PCDHGA5: variants seen among roughly 807,000 people sequenced by gnomAD.
PCDHGA5 encodes protocadherin gamma subfamily A, 5, also known as protocadherin gamma-A5.
A neutral mutation model predicts 56.7 loss-of-function variants in PCDHGA5; 36 were observed. The observed-to-expected ratio is 0.64, with a 90% CI of 0.49 to 0.84. The LOEUF (loss-of-function observed/expected upper bound fraction) is 0.84, where lower values mean the gene tolerates loss of function less well. PCDHGA5 is among the 40% of genes least tolerant of loss of function. The pLI is 0.00. For missense variants in PCDHGA5, 1,305 were observed against 1,201.5 expected, an observed-to-expected ratio of 1.09 and a Z score of -1.27; for synonymous variants, 563 against 520.2, an observed-to-expected ratio of 1.08 and a Z score of -1.12.
rs776773140 is a variant in PCDHGA5, at chr5:141,476,589, G to A, written c.2422-18218G>A. 5 of 1,614,246 alleles carry A rather than the reference G, an allele frequency of 3.1e-6. No individual in the cohort carries two copies. Among genetic ancestry groups the A allele is most frequent in the Non-Finnish European group, 4.2e-6 (5 of 1,180,046 alleles). On this transcript the variant is annotated intron_variant, in intron 1 of 3. Coordinates refer to ENST00000518069, the MANE Select transcript of PCDHGA5 (RefSeq NM_018918.3). This position sits in a 1 kb window ranked among gnomAD's most constrained non-coding sequence, Gnocchi z 7.6. ...CCGGGGACGCGCTTTCCGCTCGAGA[G>A]CGCGCACGATCCCGATGTGGGAAGC...
intron 1 of PCDHGA5, chr5:141,492,003 T>G: frequency 1.6e-6 from 1 of 626,972 alleles, no homozygotes; most frequent in Non-Finnish European, 2.6e-6. Context: ...TCGGGCGATT[T>G]CCGCGGGTGT....
Position 141,490,683 on chromosome 5 carries a change from A to C in PCDHGA5, c.2422-4124A>C, listed in dbSNP as rs766019662. 6 of 1,614,088 alleles carry C rather than the reference A, an allele frequency of 3.7e-6. No homozygotes were observed. The highest frequency in any genetic ancestry group is 5.1e-6 in the Non-Finnish European group (6 of 1,180,034). On this transcript the variant is annotated intron_variant, in intron 1 of 3. Transcript: ENST00000518069. The surrounding 1 kb of genome is among the most constrained non-coding windows in gnomAD (Gnocchi z 5.4). ...TTTGCACTGTGGCTGCCTCAGATCCAGACACTGGGGATAATGCCCGCCTCA... is the reference window on the plus strand; with the variant it reads ...TTTGCACTGTGGCTGCCTCAGATCCCGACACTGGGGATAATGCCCGCCTCA...
At chr5:141,478,159 T>C (rs1456465606) in intron 1 of PCDHGA5, 2 of 1,614,064 alleles carry the variant, frequency 1.2e-6, no homozygotes, top group Admixed American at 1.7e-5. Flanking sequence ...CCTCTGGCTC[T>C]GCCCCCCGGG....
chr5:141,419,414 GCCTTCGACCACGAGCAGCTGCGCA>G, intron 1 of PCDHGA5: 1 of 1,613,428 alleles, frequency 6.2e-7, no homozygotes, highest in South Asian at 1.1e-5. Context: ...CGCGCAGCGC[GCCTTCGACCACGAGCAGCTGCGCA>G]CCTTCGAGCT....
intron 3 of PCDHGA5, among the ~76,000 whole-genome samples, chr5:141,510,440 C>T (rs1251795430): frequency 6.6e-6 from 1 of 152,066 alleles, no homozygotes; most frequent in Non-Finnish European, 1.5e-5. Context: ...TGCTGCCCTC[C>T]AGGAGCCCAT....
chr5:141,374,406 T>A (rs748431130), intron 1 of PCDHGA5: 2 of 1,614,018 alleles, frequency 1.2e-6, no homozygotes, highest in East Asian at 2.2e-5. Context: ...AGTTTTAACA[T>A]CCTTGTCGAG....
chr5:141,509,663 G>A (rs933532930), intron 3 of PCDHGA5, among the ~76,000 whole-genome samples: 1 of 152,140 alleles, frequency 6.6e-6, no homozygotes, highest in Non-Finnish European at 1.5e-5. Context: ...ACTTCTCTGG[G>A]CCCCAGTTTC....
Position 141,511,995 on chromosome 5 carries a change from A to G in PCDHGA5, c.*822A>G, listed in dbSNP as rs1049905198. The G allele has an allele frequency of 1.3e-5, 2 of 153,074 alleles. No homozygotes were observed. The highest frequency in any genetic ancestry group is 4.8e-5 in the African/African-American group (2 of 41,464). The allele number at this position is 153,074 out of a possible 1,614,324, so 9.5% of individuals were successfully genotyped here. On this transcript the variant is annotated 3_prime_UTR_variant, in exon 4 of 4. Transcript: ENST00000518069. The stretch of plus-strand genomic sequence containing the variant: ...GGATGTGGATGGTGGGGGCATGGAC[A>G]AAGCTTGACACATCAAGTTATCAAG...
chr5:141,427,638 C>A, intron 1 of PCDHGA5: 1 of 708,528 alleles, frequency 1.4e-6, no homozygotes, highest in East Asian at 2.7e-5. Context: ...GGTTTTCCAC[C>A]AAGTCTCCTA....
At position 141,432,807 on chromosome 5, in the gene PCDHGA5, ACT is replaced by A. The variant is rs542925824; in HGVS notation, c.2422-61997_2422-61996del. On this transcript the variant is annotated intron_variant, in intron 1 of 3. Coordinates refer to ENST00000518069, the MANE Select transcript of PCDHGA5 (RefSeq NM_018918.3). This position sits in a 1 kb window ranked among gnomAD's most constrained non-coding sequence, Gnocchi z 6.0. ...CTCGGCAGCCTCGAGTCTCCAGCTA[ACT>A]CTGAAACCTCAGACCTCACTCTGTA... 352 of 1,613,946 alleles carry A rather than the reference ACT, an allele frequency of 2.2e-4. 2 individuals carry two copies. The African/African-American group carries it at 4.2e-3, about 19-fold the overall frequency.
At chr5:141,430,687 T>A in intron 1 of PCDHGA5, 3 of 1,399,922 alleles carry the variant, frequency 2.1e-6, no homozygotes, top group Non-Finnish European at 9.5e-7. Flanking sequence ...TGTCCCATTC[T>A]ATGGGCGAAG....
intron 1 of PCDHGA5, chr5:141,393,714 A>G: frequency 6.2e-7 from 1 of 1,613,878 alleles, no homozygotes; most frequent in South Asian, 1.1e-5. Flanking sequence ...TACTGGGGAA[A>G]TATCAATAGC....
chr5:141,500,499 G>T lies in PCDHGA5; in HGVS notation c.2481-4894G>T, dbSNP rs531501031. On this transcript the variant is annotated intron_variant, in intron 2 of 3. Transcript: ENST00000518069. ...GCTGGGATTACAGGCGTGAGCCACC[G>T]CGCCTGGCCGAGCTTCATTTTAAAA... Among the ~76,000 whole-genome samples, 24 of 152,088 alleles carry T rather than the reference G, an allele frequency of 1.6e-4. 1 individual carries two copies. In the Middle Eastern group the frequency reaches 0.01, roughly 65 times the overall value.
chr5:141,383,505 G>C (rs1461557707), intron 1 of PCDHGA5: 10 of 1,612,818 alleles, frequency 6.2e-6, no homozygotes, highest in Admixed American at 1.7e-5. Context: ...TGCTGGACCG[G>C]GAGGAAGAGC....
rs1000330093 is a variant in PCDHGA5 at position 141,511,812 on chromosome 5, C to T, written c.*639C>T. 2.5e-5 allele frequency: 4 copies of T among 157,260 alleles called. No individual in the cohort carries two copies. Among genetic ancestry groups the T allele is most frequent in the African/African-American group, 9.6e-5 (4 of 41,492 alleles). The allele number at this position is 157,260 out of a possible 1,614,324, so 9.7% of individuals were successfully genotyped here. The stretch of plus-strand genomic sequence containing the variant: ...TAGGGAGGGCATTTTGCTACCAAGC[C>T]TCTTCCCAACGCCCTGGGGACCAGT... On this transcript the variant is annotated 3_prime_UTR_variant, in exon 4 of 4. Transcript: ENST00000518069.
At chr5:141,387,211 C>T (rs184165131) in intron 1 of PCDHGA5, among the ~76,000 whole-genome samples, 35 of 152,068 alleles carry the variant, frequency 2.3e-4, no homozygotes, top group African/African-American at 7.7e-4. Flanking sequence ...TGATACTCTC[C>T]GGAAAAAGTT....
intron 1 of PCDHGA5, among the ~76,000 whole-genome samples, chr5:141,452,835 C>A (rs2098750110): frequency 6.6e-6 from 1 of 152,154 alleles, no homozygotes; most frequent in Admixed American, 6.5e-5. Flanking sequence ...TCACTTGGTC[C>A]AGCCCACACT....
At chr5:141,409,798 G>T (rs2095317053) in intron 1 of PCDHGA5, 1 of 1,611,672 alleles carries the variant, frequency 6.2e-7, no homozygotes, top group South Asian at 1.1e-5. Context: ...CGCTCACGCT[G>T]CAGGCCCGCG....
chr5:141,385,109 C>T (rs931773405), intron 1 of PCDHGA5: 5 of 1,614,174 alleles, frequency 3.1e-6, no homozygotes, highest in Non-Finnish European at 4.2e-6. Flanking sequence ...AACGTGCCCA[C>T]CTCGCACTTT....
Sources: allele counts gnomAD v4.1 joint callset (sites outside exome capture counted in the v4.1 genomes callset), GRCh38; gene constraint gnomAD v4.1.1; non-coding constraint Gnocchi (gnomAD v3.1); transcripts MANE v1.5; gene names NCBI Gene and HGNC (gene_info 2026-07-23, HGNC 2026-07-21).